Variants in FLG observed in about 807,000 individuals in gnomAD.
FLG encodes the protein epidermal filaggrin.
Under a neutral mutation model 3.8 loss-of-function variants are expected in FLG, and 6 were observed. The observed-to-expected ratio is 1.60, with a 90% CI of 0.87 to 3.15. FLG has a LOEUF of 3.15. Among genes scored for constraint, FLG ranks in the 30% most tolerant of loss-of-function variants. FLG has a pLI of 0.00. For synonymous variants in FLG, 2,551 were observed against 1,931.6 expected (o/e 1.32, Z -8.41); for missense variants, 7,595 against 5,050.9 (o/e 1.50, Z -15.27).
In FLG at chr1:152,303,274, G is replaced by T; in HGVS notation, c.11612C>A (p.Ala3871Glu). Residue 3871 changes from alanine (A) to glutamate (E), a missense_variant, in exon 3 of 3, where the codon GCA becomes GAA. Coordinates refer to ENST00000368799, the MANE Select transcript of FLG (RefSeq NM_002016.2). ...SSVSQDSDSE[A>E]YPEDSERRSE... ...TCGCCTCTCAGAGTCCTCTGGGTAT[G>T]CCTCACTGTCACTGTCCTGGCTAAC... is the stretch of plus-strand genomic sequence containing the variant. 3 of 1,614,006 alleles carry T rather than the reference G, an allele frequency of 1.9e-6. No individual in the cohort carries two copies. Among genetic ancestry groups the T allele is most frequent in the South Asian group, 1.1e-5 (1 of 91,056 alleles).
In FLG at chr1:152,311,713, A is replaced by T. The variant is rs1362499664; in HGVS notation, c.3173T>A (p.Val1058Asp). The T allele has an allele frequency of 7.4e-6, 12 of 1,613,584 alleles. No individual in the cohort carries two copies. Among genetic ancestry groups the T allele is most frequent in the Non-Finnish European group, 9.3e-6 (11 of 1,179,928 alleles). Residue 1058 changes from valine to aspartate, a missense_variant, in exon 3 of 3, where the codon GTC (valine) becomes GAC (aspartate). Val to Asp is a radical substitution (Grantham distance 152). Coordinates refer to ENST00000368799, the MANE Select transcript of FLG (RefSeq NM_002016.2). ...GIPRRQASSA[V>D]RDSGHWGSSG... ...GGACCCCCAGTGTCCACTGTCTCTGACTGCAGATGAAGCTTGTCTGCGCGG... is the reference window on the plus strand; with the variant it reads ...GGACCCCCAGTGTCCACTGTCTCTGTCTGCAGATGAAGCTTGTCTGCGCGG...
chr1:152,317,011 T>C (rs1652809199), intron 1 of FLG, among the ~76,000 whole-genome samples: 1 of 152,094 alleles, frequency 6.6e-6, no homozygotes, highest in South Asian at 2.1e-4. Flanking sequence ...CCCAACCTAC[T>C]ACATTTCTAT....
chr1:152,303,722 A>G lies in FLG; in HGVS notation c.11164T>C (p.Ser3722Pro), dbSNP rs1365230491. 6.2e-7 allele frequency: 1 copy of G among 1,613,756 alleles called. No individual in the cohort carries two copies. Among genetic ancestry groups the G allele is most frequent in the South Asian group, 1.1e-5 (1 of 91,046 alleles). The change falls in exon 3 of 3, where the codon TCT becomes CCT. Residue 3722 changes from serine (S) to proline (P), a missense_variant. Transcript: ENST00000368799. ...CTGGGCCCAGCCCGTCCATGGGCAG[A>G]CTCAGACTGTTCATGAGTGCTCACC... ...YQVSTHEQSESAHGRAGPSTG... is the reference protein window; with the variant it reads ...YQVSTHEQSEPAHGRAGPSTG...
Position 152,304,090 on chromosome 1 carries a change from C to T in FLG, c.10796G>A (p.Gly3599Asp). ...GHSAESSRQS[G>D]THHAENSSGG... ...AGAGGAATTCTCTGCATGATGAGTG[C>T]CTGATTGTCTGGAGCTCTCTGCAGA... The change falls in exon 3 of 3, where the codon GGC becomes GAC. Residue 3599 changes from glycine (G) to aspartate (D), a missense_variant. By Grantham distance (94) the Gly-to-Asp change is moderately conservative. Coordinates refer to ENST00000368799, the MANE Select transcript of FLG (RefSeq NM_002016.2). 6.2e-7 allele frequency: 1 copy of T among 1,610,848 alleles called. No individual in the cohort carries two copies. The highest frequency in any genetic ancestry group is 1.1e-5 in the South Asian group (1 of 90,630).
rs1652414207 is a variant in FLG, at chr1:152,311,381, G to C, written c.3505C>G (p.Pro1169Ala). ...TGCCTTCCTCCTCTCCTTGACCCCGGGTGTGCACGAATGGTGTCCTGACCC... is the reference window on the plus strand; with the variant it reads ...TGCCTTCCTCCTCTCCTTGACCCCGCGTGTGCACGAATGGTGTCCTGACCC... The part of the protein sequence containing the change: ...QEGQDTIRAH[P>A]GSRRGGRQGS... The change falls in exon 3 of 3, where the codon CCG (proline) becomes GCG (alanine). Residue 1169 changes from proline to alanine, a missense_variant. Pro to Ala is a conservative substitution (Grantham distance 27). Transcript: ENST00000368799. The C allele has an allele frequency of 1.9e-6, 3 of 1,613,258 alleles. No individual in the cohort carries two copies. Among genetic ancestry groups the C allele is most frequent in the Non-Finnish European group, 2.5e-6 (3 of 1,179,870 alleles).
Position 152,308,078 on chromosome 1 carries a change from A to G in FLG, c.6808T>C (p.Ser2270Pro). 6.2e-7 allele frequency: 1 copy of G among 1,613,848 alleles called. No individual in the cohort carries two copies. The highest frequency in any genetic ancestry group is 1.7e-5 in the Admixed American group (1 of 60,006). Residue 2270 changes from serine (S) to proline (P), a missense_variant, in exon 3 of 3, where the codon TCT (serine) becomes CCT (proline). By Grantham distance (74) the Ser-to-Pro change is moderately conservative. Coordinates refer to ENST00000368799, the MANE Select transcript of FLG (RefSeq NM_002016.2). ...CCATCTCTTGACTGCTCCTGAGCAG[A>G]TCCATGATGGTTTCTGGACGCAGAC... ...SGSASRNHHG[S>P]AQEQSRDGSR...
rs200963639 is a variant in FLG, at chr1:152,307,241, C to A, written c.7645G>T (p.Val2549Leu). 124 of 1,612,796 alleles carry A rather than the reference C, an allele frequency of 7.7e-5. 1 individual carries two copies. The highest frequency in any genetic ancestry group is 9.7e-5 in the Non-Finnish European group (114 of 1,180,000). Reference protein sequence around the residue: ...SRADSSGHSQVGQGQSEGPRT... With the variant: ...SRADSSGHSQLGQGQSEGPRT... ...GGCCCCTCTGATTGTCCCTGGCCCA[C>A]CTGCGAGTGTCCAGAGCTGTCGGCC... The change falls in exon 3 of 3, where the codon GTG (valine) becomes TTG (leucine). Residue 2549 changes from valine (V) to leucine (L), a missense_variant. Val to Leu is a conservative substitution (Grantham distance 32). Transcript: ENST00000368799.
In FLG at chr1:152,303,038, G is replaced by A. The variant is rs1238575991; in HGVS notation, c.11848C>T (p.Pro3950Ser). ...YHSGIQSRGS[P>S]HSSSSYHYQS... ...TAATGATAAGAACTAGAACTGTGAG[G>A]ACTGCCACGTGACTGTATTCCTGAG... The change falls in exon 3 of 3, where the codon CCT becomes TCT. Residue 3950 changes from proline (P) to serine (S), a missense_variant. Coordinates refer to ENST00000368799, the MANE Select transcript of FLG (RefSeq NM_002016.2). The A allele has an allele frequency of 6.2e-7, 1 of 1,614,144 alleles. No individual in the cohort carries two copies. Among genetic ancestry groups the A allele is most frequent in the East Asian group, 2.2e-5 (1 of 44,884 alleles).
chr1:152,317,858 C>T (rs942090214), intron 1 of FLG, among the ~76,000 whole-genome samples: 2 of 151,952 alleles, frequency 1.3e-5, no homozygotes, highest in Non-Finnish European at 2.9e-5. Flanking sequence ...CTAAAAATGT[C>T]GCACACCCGT....
chr1:152,302,952 G>C lies in FLG; in HGVS notation c.11934C>G (p.Ser3978Arg). Residue 3978 changes from serine to arginine, a missense_variant, in exon 3 of 3, where the codon AGC becomes AGG. Transcript: ENST00000368799. Reference protein sequence around the residue: ...GQSGLVWRHGSYGSADYDYGE... With the variant: ...GQSGLVWRHGRYGSADYDYGE... ...CATAATCATAATCTGCACTACCATA[G>C]CTGCCATGTCTCCAAACTAAACCTG... The C allele has an allele frequency of 6.2e-7, 1 of 1,614,128 alleles. No homozygotes were observed. The highest frequency in any genetic ancestry group is 8.5e-7 in the Non-Finnish European group (1 of 1,180,008).
In FLG at chr1:152,311,863, G is replaced by T. The variant is rs759486727; in HGVS notation, c.3023C>A (p.Pro1008His). 19 of 1,612,986 alleles carry T rather than the reference G, an allele frequency of 1.2e-5. No homozygotes were observed. Among genetic ancestry groups the T allele is most frequent in the East Asian group, 4.5e-5 (2 of 44,854 alleles). Reference sequence around the variant, plus strand: ...TCCACCAGAGGAAGTCTCTGCGTGAGGAGTTCCTGATTGTCTGGAGCTGTC... The same window carrying T: ...TCCACCAGAGGAAGTCTCTGCGTGATGAGTTCCTGATTGTCTGGAGCTGTC... Reference protein sequence around the residue: ...SADSSRQSGTPHAETSSGGQA... With the variant: ...SADSSRQSGTHHAETSSGGQA... Residue 1008 changes from proline to histidine, a missense_variant, in exon 3 of 3, where the codon CCT (proline) becomes CAT (histidine). Coordinates refer to ENST00000368799, the MANE Select transcript of FLG (RefSeq NM_002016.2).
Position 152,310,375 on chromosome 1 carries a change from T to C in FLG, c.4511A>G (p.Tyr1504Cys). ...GSSRGGRQGS[Y>C]HEQSVDRSGH... ...AGACCTATCTACTGATTGCTCGTGG[T>C]AGGATCCCTGCCTTCCTCCTCTGCT... Residue 1504 changes from tyrosine to cysteine, a missense_variant, in exon 3 of 3, where the codon TAC becomes TGC. Tyr to Cys is a radical substitution (Grantham distance 194). Transcript: ENST00000368799. 6.2e-7 allele frequency: 1 copy of C among 1,613,860 alleles called. No individual in the cohort carries two copies. Among genetic ancestry groups the C allele is most frequent in the Non-Finnish European group, 8.5e-7 (1 of 1,179,986 alleles).
At position 152,304,494 on chromosome 1, in the gene FLG, G is replaced by C. The variant is rs759913306; in HGVS notation, c.10392C>G (p.His3464Gln). The C allele has an allele frequency of 1.2e-6, 2 of 1,612,996 alleles. No individual in the cohort carries two copies. Among genetic ancestry groups the C allele is most frequent in the East Asian group, 4.5e-5 (2 of 44,644 alleles). ...VDRSGHSGSH[H>Q]SHTTSQGRSD... ...ACCTTCCCTGGGATGTGGTGTGGCT[G>C]TGATGGGACCCTGAGTGTCCAGACC... The change falls in exon 3 of 3, where the codon CAC becomes CAG. Residue 3464 changes from histidine to glutamine, a missense_variant. Transcript: ENST00000368799.
In FLG at chr1:152,311,886, G is replaced by A; in HGVS notation, c.3000C>T (p.Asp1000=). 1 of 1,614,050 alleles carries A rather than the reference G, an allele frequency of 6.2e-7. No individual in the cohort carries two copies. The highest frequency in any genetic ancestry group is 1.1e-5 in the South Asian group (1 of 91,054). Residue 1000 remains aspartate (D), a synonymous_variant, in exon 3 of 3, where the codon GAC becomes GAT. Coordinates refer to ENST00000368799, the MANE Select transcript of FLG (RefSeq NM_002016.2). ...EDRAGHGHSA[D]SSRQSGTPHA... is the part of the protein sequence containing the mutation. ...GAGGAGTTCCTGATTGTCTGGAGCT[G>A]TCTGCAGAGTGCCCGTGACCGGCTC...
At position 152,304,221 on chromosome 1, in the gene FLG, C is replaced by A. The variant is rs773237546; in HGVS notation, c.10665G>T (p.Trp3555Cys). 1.2e-6 allele frequency: 2 copies of A among 1,612,168 alleles called. No homozygotes were observed. Among genetic ancestry groups the A allele is most frequent in the Non-Finnish European group, 1.7e-6 (2 of 1,179,728 alleles). ...SQGHSEDSER[W>C]SGSASRNHRG... ...GATGGTTTCTGGAAGCAGACCCAGA[C>A]CACCTCTCAGAGTCTTCTGAGTGTC... The change falls in exon 3 of 3, where the codon TGG becomes TGT. Residue 3555 changes from tryptophan to cysteine, a missense_variant. Transcript: ENST00000368799.
rs1162787802 is a variant in FLG, at chr1:152,304,332, G to A, written c.10554C>T (p.His3518=). Reference sequence around the variant, plus strand: ...CTGATTGTCCCTGGCCGGACTGTGAGTGTCTAGAGCTGTCCGCCTGAGTGG... The same window carrying A: ...CTGATTGTCCCTGGCCGGACTGTGAATGTCTAGAGCTGTCCGCCTGAGTGG... ...EASTQADSSR[H]SQSGQGQSAG... Residue 3518 remains histidine (H), a synonymous_variant, in exon 3 of 3, where the codon CAC becomes CAT. Coordinates refer to ENST00000368799, the MANE Select transcript of FLG (RefSeq NM_002016.2). 2 of 1,611,732 alleles carry A rather than the reference G, an allele frequency of 1.2e-6. No individual in the cohort carries two copies. Among genetic ancestry groups the A allele is most frequent in the East Asian group, 2.2e-5 (1 of 44,598 alleles).
rs776003002 is a variant in FLG, at chr1:152,312,402, G to T, written c.2484C>A (p.Asn828Lys). Residue 828 changes from asparagine to lysine, a missense_variant, in exon 3 of 3, where the codon AAC becomes AAA. Physicochemically the swap from Asn to Lys is moderately conservative, Grantham distance 94. Coordinates refer to ENST00000368799, the MANE Select transcript of FLG (RefSeq NM_002016.2). ...CATCTTGGGATGCTGAGTGCCTGGA[G>T]TTGTCTCGTGCCTGCTCATGGTGGG... ...QGSHHEQARDNSRHSASQDGQ... is the reference protein window; with the variant it reads ...QGSHHEQARDKSRHSASQDGQ... 14 of 1,613,366 alleles carry T rather than the reference G, an allele frequency of 8.7e-6. No homozygotes were observed. The Admixed American group carries it at 2.0e-4, about 23-fold the overall frequency.
At position 152,304,284 on chromosome 1, in the gene FLG, G is replaced by C. The variant is rs761665083; in HGVS notation, c.10602C>G (p.Asn3534Lys). 6.2e-7 allele frequency: 1 copy of C among 1,612,794 alleles called. No homozygotes were observed. The highest frequency in any genetic ancestry group is 1.7e-5 in the Admixed American group (1 of 59,884). ...GQSAGPRTSR[N>K]QGSSVSQDSD... ...TGTCCTGGCTAACACTGGATCCCTG[G>C]TTCCTGCTTGTCCTGGGCCCCGCTG... Residue 3534 changes from asparagine to lysine, a missense_variant, in exon 3 of 3, where the codon AAC becomes AAG. Physicochemically the swap from Asn to Lys is moderately conservative, Grantham distance 94. Transcript: ENST00000368799.
chr1:152,323,729 T>C (rs1445770902), intron 1 of FLG, among the ~76,000 whole-genome samples: 1 of 151,644 alleles, frequency 6.6e-6, no homozygotes, highest in Non-Finnish European at 1.5e-5. Context: ...CAGAAGCACT[T>C]TGGAAAATTG....
Sources: gnomAD v4.1 joint callset for allele counts (sites outside exome capture counted in the v4.1 genomes callset) on GRCh38, gnomAD v4.1.1 for gene constraint, MANE v1.5 for transcripts, NCBI Gene and HGNC (gene_info 2026-07-23, HGNC 2026-07-21) for gene names.